Variants in EDARADD observed in about 807,000 individuals in gnomAD.
EDARADD encodes the protein EDAR associated via death domain, also known as ectodysplasin-A receptor-associated adapter protein.
In EDARADD, 20 loss-of-function variants were observed where a neutral mutation model predicts 25.6. The ratio of observed to expected loss-of-function variants is 0.78; its 90% CI spans 0.55 to 1.14. The LOEUF (loss-of-function observed/expected upper bound fraction) is 1.14. EDARADD is among the 50% of genes most tolerant of loss of function. The probability of loss-of-function intolerance (pLI) is 0.00; values close to 1 mark genes in which losing one functional copy is unlikely to be tolerated. For synonymous variants in EDARADD, 86 were observed against 94.4 expected (o/e 0.91, Z 0.52); for missense variants, 225 against 270.1 (o/e 0.83, Z 1.17).
At chr1:236,481,778 CAAA>C (rs36104533) in intron 5 of EDARADD, among the ~76,000 whole-genome samples, 19 of 93,298 alleles carry the variant, frequency 2.0e-4, no homozygotes, top group Admixed American at 3.8e-4. Context: ...CACCCTGTAT[CAAA>C]AAAAAAAAAA....
Position 236,484,677 on chromosome 1 carries a change from C to A in EDARADD, c.*2028C>A. The A allele has an allele frequency of 7.2e-6, 3 of 419,430 alleles. No individual in the cohort carries two copies. The highest frequency in any genetic ancestry group is 1.3e-5 in the Non-Finnish European group (3 of 228,276). The allele number at this position is 419,430 out of a possible 1,614,324, so 26.0% of individuals were successfully genotyped here. A position where few individuals can be genotyped will look rare whatever the true frequency, so the allele number is the denominator to read the frequency against. The stretch of plus-strand genomic sequence containing the variant: ...GAGCCGAGATTGCGCCACTGCACAC[C>A]AGTCTGGAGACAGAGTGAGAGTCCG... On this transcript the variant is annotated 3_prime_UTR_variant, in exon 6 of 6. Coordinates refer to ENST00000334232, the MANE Select transcript of EDARADD (RefSeq NM_145861.4). The surrounding 1 kb of genome is among the most constrained non-coding windows in gnomAD (Gnocchi z 4.1).
chr1:236,365,208 T>C (rs1343811525), intron 3 of EDARADD, among the ~76,000 whole-genome samples: 4 of 151,904 alleles, frequency 2.6e-5, no homozygotes, highest in Non-Finnish European at 4.4e-5. Context: ...CTGTCACTCA[T>C]GCTGGAATGC....
intron 5 of EDARADD, among the ~76,000 whole-genome samples, chr1:236,475,896 A>G (rs1316792002): frequency 6.6e-6 from 1 of 152,186 alleles, no homozygotes; most frequent in African/African-American, 2.4e-5. Context: ...ACTCAGTTTA[A>G]AGAAACTTTA....
intron 4 of EDARADD, among the ~76,000 whole-genome samples, chr1:236,463,994 GTGTCCTAGC>G: frequency 6.6e-6 from 1 of 152,176 alleles, no homozygotes; most frequent in Non-Finnish European, 1.5e-5. Context: ...TTTGGAGAAG[GTGTCCTAGC>G]AGAAGTGATG....
intron 4 of EDARADD, among the ~76,000 whole-genome samples, chr1:236,433,320 G>T (rs975805990): frequency 6.6e-6 from 1 of 151,704 alleles, no homozygotes; most frequent in Non-Finnish European, 1.5e-5. Context: ...ACTTTGGGGG[G>T]GGCCGAGGCA....
chr1:236,407,244 T>G (rs653887), intron 1 of EDARADD, among the ~76,000 whole-genome samples: 151,490 of 152,290 alleles, frequency 0.99, 75,350 homozygotes, highest in Middle Eastern at 1. Context: ...TCTTTGCTGG[T>G]GCTGGGCCGC....
chr1:236,445,781 A>G (rs1027742511), intron 4 of EDARADD, among the ~76,000 whole-genome samples: 5 of 152,210 alleles, frequency 3.3e-5, no homozygotes, highest in African/African-American at 9.6e-5. Context: ...TCCACTTCAT[A>G]GATGAAGAAA....
upstream of EDARADD, among the ~76,000 whole-genome samples, chr1:236,390,892 A>G (rs1667413777): frequency 6.6e-6 from 1 of 150,406 alleles, no homozygotes. Context: ...TAAATGTTTC[A>G]CTCCTGCTCC....
intron 4 of EDARADD, among the ~76,000 whole-genome samples, chr1:236,438,184 C>T (rs1005910485): frequency 1.3e-5 from 2 of 152,172 alleles, no homozygotes; most frequent in African/African-American, 4.8e-5. Context: ...TTAGGGCCCA[C>T]CCCAATGACC....
At chr1:236,397,971 C>G (rs1667548896) in intron 1 of EDARADD, among the ~76,000 whole-genome samples, 1 of 152,104 alleles carries the variant, frequency 6.6e-6, no homozygotes, top group Non-Finnish European at 1.5e-5. Flanking sequence ...CTCGCTTTAC[C>G]CCAGACCAAG....
intron 4 of EDARADD, among the ~76,000 whole-genome samples, chr1:236,449,828 C>T (rs1364338916): frequency 1.3e-5 from 2 of 152,326 alleles, no homozygotes; most frequent in East Asian, 1.9e-4. Flanking sequence ...CGGCTGGGCG[C>T]GGTGGCTCAC....
At chr1:236,462,862 G>A (rs1659075148) in intron 4 of EDARADD, among the ~76,000 whole-genome samples, 2 of 152,166 alleles carry the variant, frequency 1.3e-5, no homozygotes, top group South Asian at 2.1e-4. Flanking sequence ...AAACATAGGT[G>A]TTCCACTCTG....
intron 3 of EDARADD, among the ~76,000 whole-genome samples, chr1:236,418,313 C>T (rs971627611): frequency 1.2e-4 from 18 of 151,108 alleles, no homozygotes; most frequent in Admixed American, 3.3e-4. Context: ...GGCATGATCT[C>T]GACTCACTGC....
At chr1:236,358,365 A>C (rs1213767531) in intron 3 of EDARADD, among the ~76,000 whole-genome samples, 1 of 152,212 alleles carries the variant, frequency 6.6e-6, no homozygotes, top group East Asian at 1.9e-4. Context: ...ATTCATTATG[A>C]GTTTGTCTTT....
chr1:236,421,054 T>G (rs1657771710), intron 3 of EDARADD, among the ~76,000 whole-genome samples: 1 of 147,260 alleles, frequency 6.8e-6, no homozygotes. Context: ...GTTTTGATTG[T>G]CTCCTCTTCA....
At position 236,385,966 on chromosome 1, in the gene EDARADD, C is replaced by T. The variant is rs1254552597; in HGVS notation, c.-5-23250C>T. On this transcript the variant is annotated intron_variant, in intron 3 of 7. Transcript: ENST00000439430. ...TTCCCTCTCCCCACGGTCTCCCTCTCATGCGGAGCCAAAGCTGGACTGTAC... is the reference window on the plus strand; with the variant it reads ...TTCCCTCTCCCCACGGTCTCCCTCTTATGCGGAGCCAAAGCTGGACTGTAC... Among the ~76,000 whole-genome samples, 2 of 25,044 alleles carry T rather than the reference C, an allele frequency of 8.0e-5. 1 individual carries two copies. Among genetic ancestry groups the T allele is most frequent in the Non-Finnish European group, 1.7e-4 (2 of 11,694 alleles). 16.4% of individuals were successfully genotyped at this position (25,044 alleles called of 152,430 possible). A position where few individuals can be genotyped will look rare whatever the true frequency, so the allele number is the denominator to read the frequency against.
At chr1:236,371,435 T>C (rs912500056) in intron 3 of EDARADD, among the ~76,000 whole-genome samples, 2 of 152,204 alleles carry the variant, frequency 1.3e-5, no homozygotes, top group African/African-American at 4.8e-5. Flanking sequence ...TTTTGTCTTA[T>C]TGCCTTAGCT....
chr1:236,423,227 T>C (rs550183652), intron 3 of EDARADD, among the ~76,000 whole-genome samples: 5 of 152,250 alleles, frequency 3.3e-5, no homozygotes, highest in African/African-American at 9.6e-5. Flanking sequence ...ATGAGAAATA[T>C]GTTGCCACCA....
Position 236,482,617 on chromosome 1 carries a change from CG to C in EDARADD, c.619del (p.Glu207SerfsTer32), listed in dbSNP as rs1659710576. The C allele has an allele frequency of 1.2e-6, 2 of 1,612,120 alleles. No homozygotes were observed. Among genetic ancestry groups the C allele is most frequent in the African/African-American group, 2.7e-5 (2 of 74,840 alleles). ...GTGGGTGGACGAGGAGTGGCCCAAG[CG>C]GGAGCGTGGAGACCCCTCCAGGCAC... ...RRWVDEEWPK[R>X]ERGDPSRHF On this transcript the variant is annotated frameshift_variant, in exon 6 of 6. Transcript: ENST00000334232. LOFTEE classifies it high-confidence loss of function.
Sources: gnomAD v4.1 joint callset for allele counts (sites outside exome capture counted in the v4.1 genomes callset) on GRCh38, gnomAD v4.1.1 for gene constraint, Gnocchi (gnomAD v3.1) non-coding constraint, MANE v1.5 for transcripts, NCBI Gene and HGNC (gene_info 2026-07-23, HGNC 2026-07-21) for gene names.